EDNRA: variants seen among roughly 807,000 people sequenced by gnomAD.
The protein encoded by EDNRA is endothelin receptor type A, also known as endothelin-1 receptor.
A neutral mutation model predicts 41.4 loss-of-function variants in EDNRA; 11 were observed. That is an observed-to-expected ratio of 0.27 (90% CI 0.17 to 0.44). EDNRA has a LOEUF of 0.44. Among genes scored for constraint, EDNRA ranks in the 20% least tolerant of loss-of-function variants. The pLI is 1.00. For missense variants in EDNRA, 294 were observed against 531.0 expected (o/e 0.55, Z 4.39); for synonymous variants, 172 against 183.0 (o/e 0.94, Z 0.49).
At chr4:147,506,249 CA>C (rs1729713190) in intron 2 of EDNRA, 11 of 504,978 alleles carry the variant, frequency 2.2e-5, no homozygotes, top group South Asian at 1.6e-4. Context: ...CAGCTTCAGT[CA>C]GTGCTCATAA....
intron 7 of EDNRA, among the ~76,000 whole-genome samples, 174 bp from the exon 8 acceptor site, chr4:147,542,304 C>G (rs1731131580): frequency 6.6e-6 from 1 of 152,192 alleles, no homozygotes; most frequent in East Asian, 1.9e-4. Flanking sequence ...CTGGAATGGA[C>G]AGTGTAACTC....
chr4:147,520,398 G>A (rs1730280768), intron 3 of EDNRA: 1 of 519,254 alleles, frequency 1.9e-6, no homozygotes, highest in Non-Finnish European at 3.8e-6. Flanking sequence ...ATATTGCTAT[G>A]TTCTTCACCC....
At chr4:147,496,942 T>C (rs1227585294) in intron 2 of EDNRA, among the ~76,000 whole-genome samples, 3 of 152,200 alleles carry the variant, frequency 2.0e-5, no homozygotes. Context: ...TATGTAAGTA[T>C]ATAGATATAA....
chr4:147,513,015 G>C (rs1016721978), intron 2 of EDNRA, among the ~76,000 whole-genome samples: 8 of 152,138 alleles, frequency 5.3e-5, no homozygotes, highest in Non-Finnish European at 1.0e-4. Flanking sequence ...CTACCAGAAC[G>C]ATCTTCATTT....
At chr4:147,521,149 T>C (rs1462362735) in intron 3 of EDNRA, among the ~76,000 whole-genome samples, 1 of 152,024 alleles carries the variant, frequency 6.6e-6, no homozygotes, top group Non-Finnish European at 1.5e-5. Flanking sequence ...TCCCAGCTAT[T>C]CAGGAGGCTA....
intron 2 of EDNRA, chr4:147,495,532 C>T (rs537141206): frequency 6.6e-6 from 1 of 152,268 alleles, no homozygotes; most frequent in East Asian, 1.9e-4. Context: ...AGCCTATGTT[C>T]ATTGTCATGT....
At chr4:147,526,207 T>C (rs577168782) in intron 3 of EDNRA, among the ~76,000 whole-genome samples, 1 of 152,360 alleles carries the variant, frequency 6.6e-6, no homozygotes, top group South Asian at 2.1e-4. Flanking sequence ...ATCAGGCAAC[T>C]GGTTAATTTT....
chr4:147,542,801 T>C lies in EDNRA; in HGVS notation c.*183T>C, dbSNP rs201703438. On this transcript the variant is annotated 3_prime_UTR_variant, in exon 8 of 8. Transcript: ENST00000651419. ...TTTATCCACCCACAACATCTACGAATCGTACTTCTTTAATTGATCTAATTT... is the reference window on the plus strand; with the variant it reads ...TTTATCCACCCACAACATCTACGAACCGTACTTCTTTAATTGATCTAATTT... 7.4e-5 allele frequency: 49 copies of C among 661,480 alleles called. No homozygotes were observed. The highest frequency in any genetic ancestry group is 2.8e-4 in the Middle Eastern group (1 of 3,552). The allele number at this position is 661,480 out of a possible 1,614,324, so 41.0% of individuals were successfully genotyped here. A position where few individuals can be genotyped will look rare whatever the true frequency, so the allele number is the denominator to read the frequency against.
chr4:147,504,129 A>C (rs1729607561), intron 2 of EDNRA, among the ~76,000 whole-genome samples: 1 of 151,848 alleles, frequency 6.6e-6, no homozygotes, highest in Admixed American at 6.5e-5. Context: ...CTCTAGCCTC[A>C]CAAAAAAAAA....
At chr4:147,539,706 T>G in intron 5 of EDNRA, 111 bp from the exon 6 acceptor site, 2 of 1,285,678 alleles carry the variant, frequency 1.6e-6, no homozygotes, top group Non-Finnish European at 2.1e-6. Flanking sequence ...CTCCTGGCTC[T>G]TCTTTGAATT....
At chr4:147,498,329 C>A (rs544891248) in intron 2 of EDNRA, among the ~76,000 whole-genome samples, 1 of 152,304 alleles carries the variant, frequency 6.6e-6, no homozygotes, top group Admixed American at 6.5e-5. Flanking sequence ...TCAGAATCAT[C>A]TCCAGCTCCT....
intron 2 of EDNRA, chr4:147,491,642 T>C (rs1325233152): frequency 6.6e-6 from 1 of 152,144 alleles, no homozygotes; most frequent in Non-Finnish European, 1.5e-5. Flanking sequence ...CAGAAGACAT[T>C]ATCAGTGGTA....
intron 2 of EDNRA, among the ~76,000 whole-genome samples, chr4:147,504,089 A>G (rs1729605493): frequency 6.6e-6 from 1 of 152,200 alleles, no homozygotes; most frequent in South Asian, 2.1e-4. Context: ...CTGTTGTACT[A>G]TGTTGTTTTG....
chr4:147,541,396 C>T (rs964614473), intron 7 of EDNRA, among the ~76,000 whole-genome samples: 2 of 152,052 alleles, frequency 1.3e-5, no homozygotes, highest in Non-Finnish European at 1.5e-5. Flanking sequence ...AGGCAGAGTG[C>T]GGTAGAGGTC....
At position 147,542,617 on chromosome 4, in the gene EDNRA, G is replaced by A; in HGVS notation, c.1283G>A (p.Ter428=). The change falls in exon 8 of 8, where the codon TGA becomes TAA. Residue 428 remains the stop codon, a stop_retained_variant. Coordinates refer to ENST00000651419, the MANE Select transcript of EDNRA (RefSeq NM_001957.4). ...DRSSHKDSMN[*] is the part of the protein sequence containing the mutation. The stretch of plus-strand genomic sequence containing the variant: ...AGCAGCCATAAGGACAGCATGAACT[G>A]ACCACCCTTAGAAGCACTCCTCGGT... 1 of 1,613,638 alleles carries A rather than the reference G, an allele frequency of 6.2e-7. No homozygotes were observed. Among genetic ancestry groups the A allele is most frequent in the South Asian group, 1.1e-5 (1 of 90,986 alleles).
At chr4:147,523,210 C>T (rs1048333292) in intron 3 of EDNRA, among the ~76,000 whole-genome samples, 1 of 152,152 alleles carries the variant, frequency 6.6e-6, no homozygotes, top group Non-Finnish European at 1.5e-5. Context: ...TAAAAGGTGC[C>T]AGACTCTTAG....
chr4:147,522,092 G>A (rs903222780), intron 3 of EDNRA, among the ~76,000 whole-genome samples: 16 of 152,076 alleles, frequency 1.1e-4, no homozygotes, highest in Non-Finnish European at 2.2e-4. Flanking sequence ...AATATAATCG[G>A]GGGAGGAAAG....
chr4:147,484,079 C>A (rs1728864492), intron 1 of EDNRA, among the ~76,000 whole-genome samples: 1 of 152,116 alleles, frequency 6.6e-6, no homozygotes, highest in Admixed American at 6.5e-5. Flanking sequence ...CAGACACGTA[C>A]ACACACCACC....
chr4:147,515,765 C>G (rs942096857), intron 2 of EDNRA, among the ~76,000 whole-genome samples: 1 of 152,150 alleles, frequency 6.6e-6, no homozygotes, highest in Non-Finnish European at 1.5e-5. Context: ...TAAGAGGTCC[C>G]AACCAATGAG....
Sources: gnomAD v4.1 joint callset for allele counts (sites outside exome capture counted in the v4.1 genomes callset) on GRCh38, gnomAD v4.1.1 for gene constraint, MANE v1.5 for transcripts, NCBI Gene and HGNC (gene_info 2026-07-23, HGNC 2026-07-21) for gene names.